NKD2: variants seen among roughly 807,000 people sequenced by gnomAD.
NKD2 encodes protein naked cuticle homolog 2.
In NKD2, 43 loss-of-function variants were observed where a neutral mutation model predicts 34.8. The observed-to-expected ratio is 1.24, with a 90% CI of 0.97 to 1.60. NKD2 has a LOEUF of 1.60. Ranked by LOEUF, NKD2 falls within the 40% of genes most tolerant of loss-of-function variation. The probability of loss-of-function intolerance (pLI) is 0.00; values close to 1 mark genes in which losing one functional copy is unlikely to be tolerated. For synonymous variants in NKD2, 278 were observed against 265.1 expected (o/e 1.05, Z -0.47); for missense variants, 675 against 627.1 (o/e 1.08, Z -0.82).
chr5:1,036,843 G>GACAT, intron 9 of NKD2: 1 of 455,302 alleles, frequency 2.2e-6, no homozygotes, highest in Non-Finnish European at 4.4e-6. Context: ...ACAACAGACA[G>GACAT]TGTCGACAGC....
Position 1,037,801 on chromosome 5 carries a change from G to C in NKD2, c.788-4G>C. ...GGGCCTCACACTCTGACCTGTGTCCGCAGGGTCCCCTCCTGTGCAAGCAAA... is the reference window on the plus strand; with the variant it reads ...GGGCCTCACACTCTGACCTGTGTCCCCAGGGTCCCCTCCTGTGCAAGCAAA... On this transcript the variant is annotated splice_polypyrimidine_tract_variant and splice_region_variant and intron_variant, in intron 9 of 9. Transcript: ENST00000296849. The C allele has an allele frequency of 6.4e-7, 1 of 1,564,566 alleles. No homozygotes were observed. Among genetic ancestry groups the C allele is most frequent in the Non-Finnish European group, 8.6e-7 (1 of 1,158,752 alleles).
chr5:1,009,471 C>T lies in NKD2; in HGVS notation c.62-10C>T, dbSNP rs1035667922. 1 of 1,494,600 alleles carries T rather than the reference C, an allele frequency of 6.7e-7. No individual in the cohort carries two copies. Among genetic ancestry groups the T allele is most frequent in the African/African-American group, 1.5e-5 (1 of 68,570 alleles). 92.6% of individuals were successfully genotyped at this position (1,494,600 alleles called of 1,614,324 possible). A position where few individuals can be genotyped will look rare whatever the true frequency, so the allele number is the denominator to read the frequency against. ...TGCGGGTTTCCCGCGCGTCCGCCCC[C>T]GGACCGCAGGGGACAGCTTCGTGGC... On this transcript the variant is annotated splice_polypyrimidine_tract_variant and intron_variant, in intron 2 of 9. Coordinates refer to ENST00000296849, the MANE Select transcript of NKD2 (RefSeq NM_033120.4). The surrounding 1 kb of genome is among the most constrained non-coding windows in gnomAD (Gnocchi z 6.9).
chr5:1,035,590 C>G, intron 8 of NKD2, 117 bp downstream of exon 8: 1 of 745,026 alleles, frequency 1.3e-6, no homozygotes, highest in Non-Finnish European at 2.2e-6. Flanking sequence ...GTCAGACCTG[C>G]AGGGGGCACC....
intron 3 of NKD2, among the ~76,000 whole-genome samples, chr5:1,016,724 C>T (rs924086800): frequency 2.6e-5 from 4 of 152,168 alleles, no homozygotes; most frequent in Non-Finnish European, 4.4e-5. Context: ...CGTGGTCCTG[C>T]GTGGATGTAC....
intron 3 of NKD2, among the ~76,000 whole-genome samples, chr5:1,020,581 TC>T (rs1756135735): frequency 6.6e-6 from 1 of 150,906 alleles, no homozygotes; most frequent in South Asian, 2.1e-4. Context: ...GGTAAAGTGC[TC>T]CCTGAGTCCC....
chr5:1,020,902 C>T (rs1471807629), intron 3 of NKD2, among the ~76,000 whole-genome samples: 3 of 152,082 alleles, frequency 2.0e-5, no homozygotes, highest in East Asian at 1.9e-4. Context: ...GGGCTTAGGG[C>T]GTTTACTGGG....
At chr5:1,030,394 A>G (rs1306721872) in intron 3 of NKD2, among the ~76,000 whole-genome samples, 3 of 152,140 alleles carry the variant, frequency 2.0e-5, no homozygotes, top group Non-Finnish European at 4.4e-5. Context: ...AAGCACCTGC[A>G]CGAGTCCACC....
In NKD2 at chr5:1,037,995, G is replaced by T. The variant is rs757349671; in HGVS notation, c.978G>T (p.Pro326=). The stretch of plus-strand genomic sequence containing the variant: ...ACACGCAGCCCCGGCCGAAGGGGCC[G>T]GAGAAGCAGTTCCTCAAGTCCCCCA... ...ALDTQPRPKG[P]EKQFLKSPKG... Residue 326 remains proline (P), a synonymous_variant, in exon 10 of 10, where the codon CCG becomes CCT. Transcript: ENST00000296849. 1 of 1,606,632 alleles carries T rather than the reference G, an allele frequency of 6.2e-7. No homozygotes were observed. Among genetic ancestry groups the T allele is most frequent in the East Asian group, 2.2e-5 (1 of 44,702 alleles).
At chr5:1,033,678 C>T (rs1452059364) in intron 5 of NKD2, among the ~76,000 whole-genome samples, 179 bp downstream of exon 5, 5 of 152,228 alleles carry the variant, frequency 3.3e-5, no homozygotes, top group Non-Finnish European at 7.3e-5. Context: ...CCAAAGTCAG[C>T]AGGAGCCAGA....
intron 4 of NKD2, 137 bp from the exon 5 acceptor site, chr5:1,033,235 C>G: frequency 1.2e-6 from 1 of 859,060 alleles, no homozygotes; most frequent in South Asian, 1.9e-5. Flanking sequence ...GCAGGGGTCC[C>G]AAGATCGGGC....
intron 9 of NKD2, chr5:1,037,495 C>T: frequency 1.3e-6 from 2 of 1,532,064 alleles, no homozygotes; most frequent in South Asian, 2.4e-5. Flanking sequence ...TATAACCTGG[C>T]TTTCTGCCAC....
Position 1,032,167 on chromosome 5 carries a change from G to A in NKD2, c.157G>A (p.Asp53Asn), listed in dbSNP as rs1756669796. 5 of 1,610,948 alleles carry A rather than the reference G, an allele frequency of 3.1e-6. No homozygotes were observed. Among genetic ancestry groups the A allele is most frequent in the Non-Finnish European group, 4.2e-6 (5 of 1,179,100 alleles). The change falls in exon 4 of 10, where the codon GAC (aspartate) becomes AAC (asparagine). Residue 53 changes from aspartate to asparagine, a missense_variant. Coordinates refer to ENST00000296849, the MANE Select transcript of NKD2 (RefSeq NM_033120.4). ...ARDKQELPNG[D>N]PKEGPFREDQ... ...CTTCCTGCAGGAGCTGCCCAATGGG[G>A]ACCCCAAGGAGGGGCCTTTCCGGGA... is the stretch of plus-strand genomic sequence containing the variant.
Position 1,034,302 on chromosome 5 carries a change from T to C in NKD2, c.398T>C (p.Phe133Ser), listed in dbSNP as rs1194830785. The C allele has an allele frequency of 6.2e-7, 1 of 1,612,656 alleles. No homozygotes were observed. Among genetic ancestry groups the C allele is most frequent in the Non-Finnish European group, 8.5e-7 (1 of 1,179,864 alleles). Reference protein sequence around the residue: ...RQEWTFTLYDFDNCGKVTRED... With the variant: ...RQEWTFTLYDSDNCGKVTRED... ...GAGTGGACGTTCACGCTCTATGACT[T>C]TGACAACTGCGGGAAGGTCACCAGG... Residue 133 changes from phenylalanine (F) to serine (S), a missense_variant, in exon 6 of 10, where the codon TTT becomes TCT. Coordinates refer to ENST00000296849, the MANE Select transcript of NKD2 (RefSeq NM_033120.4).
At position 1,035,045 on chromosome 5, in the gene NKD2, T is replaced by G. The variant is rs145478923; in HGVS notation, c.574+142T>G. The G allele has an allele frequency of 6.5e-5, 49 of 757,484 alleles. 1 individual carries two copies. In the East Asian group the frequency reaches 1.3e-3, roughly 20 times the overall value. 46.9% of individuals were successfully genotyped at this position (757,484 alleles called of 1,614,324 possible). A position where few individuals can be genotyped will look rare whatever the true frequency, so the allele number is the denominator to read the frequency against. ...ATGGGTGAGTGAGTGAATGAGTAAG[T>G]GGGTGAGTGAGTGAGAGAGTAAGTG... On this transcript the variant is annotated intron_variant, in intron 7 of 9. Coordinates refer to ENST00000296849, the MANE Select transcript of NKD2 (RefSeq NM_033120.4).
chr5:1,028,122 TGGGCTGGGACCAGGACGG>T (rs146763732), intron 3 of NKD2, among the ~76,000 whole-genome samples: 8 of 152,182 alleles, frequency 5.3e-5, no homozygotes, highest in Non-Finnish European at 1.2e-4. Flanking sequence ...TCTTACCGTC[TGGGCTGGGACCAGGACGG>T]GGGCTGGGTG....
chr5:1,031,351 C>T (rs764952953), intron 3 of NKD2, among the ~76,000 whole-genome samples: 14 of 152,136 alleles, frequency 9.2e-5, no homozygotes, highest in Admixed American at 2.6e-4. Context: ...AGGCTCTGGC[C>T]GTCCAGGTGG....
chr5:1,009,487 G>A lies in NKD2; in HGVS notation c.68G>A (p.Ser23Asn), dbSNP rs1161215099. ...RKRRESPEGD[S>N]FVASAYASGR... ...GTCCGCCCCCGGACCGCAGGGGACAGCTTCGTGGCGTCCGCGTACGCGAGC... is the reference window on the plus strand; with the variant it reads ...GTCCGCCCCCGGACCGCAGGGGACAACTTCGTGGCGTCCGCGTACGCGAGC... Residue 23 changes from serine (S) to asparagine (N), a missense_variant, in exon 3 of 10, where the codon AGC (serine) becomes AAC (asparagine). Physicochemically the swap from Ser to Asn is conservative, Grantham distance 46 (BLOSUM62 1). Transcript: ENST00000296849. The surrounding 1 kb of genome is among the most constrained non-coding windows in gnomAD (Gnocchi z 6.9). 8.0e-6 allele frequency: 12 copies of A among 1,499,868 alleles called. No homozygotes were observed. The highest frequency in any genetic ancestry group is 1.1e-5 in the Non-Finnish European group (12 of 1,132,816). The allele number at this position is 1,499,868 out of a possible 1,614,324, so 92.9% of individuals were successfully genotyped here.
At chr5:1,035,122 G>A (rs1450918571) in intron 7 of NKD2, among the ~76,000 whole-genome samples, 2 of 152,118 alleles carry the variant, frequency 1.3e-5, no homozygotes, top group Non-Finnish European at 2.9e-5. Context: ...GTTAATGAAT[G>A]AGTGAACAAG....
Position 1,037,424 on chromosome 5 carries a change from T to C in NKD2, c.788-381T>C. On this transcript the variant is annotated intron_variant, in intron 9 of 9. Transcript: ENST00000296849. Reference sequence around the variant, plus strand: ...TGTGAAGGTGGCAGTCCTGAGTCCTTCTCAAATCTATTTTGTAATGAGGGT... The same window carrying C: ...TGTGAAGGTGGCAGTCCTGAGTCCTCCTCAAATCTATTTTGTAATGAGGGT... The C allele has an allele frequency of 3.5e-6, 4 of 1,154,814 alleles. No individual in the cohort carries two copies. In the South Asian group the frequency reaches 4.4e-5, roughly 13 times the overall value. 71.5% of individuals were successfully genotyped at this position (1,154,814 alleles called of 1,614,324 possible). A position where few individuals can be genotyped will look rare whatever the true frequency, so the allele number is the denominator to read the frequency against.
Sources: allele counts gnomAD v4.1 joint callset (sites outside exome capture counted in the v4.1 genomes callset), GRCh38; gene constraint gnomAD v4.1.1; non-coding constraint Gnocchi (gnomAD v3.1); transcripts MANE v1.5; gene names NCBI Gene and HGNC (gene_info 2026-07-23, HGNC 2026-07-21).